The following FHAD1 variants were observed in gnomAD, a reference collection of about 807,000 sequenced individuals.
The protein encoded by FHAD1 is forkhead-associated domain-containing protein 1.
A neutral mutation model predicts 191.3 loss-of-function variants in FHAD1; 146 were observed. The ratio of observed to expected loss-of-function variants is 0.76; its 90% CI spans 0.67 to 0.88. FHAD1 has a LOEUF of 0.88. FHAD1 is among the 40% of genes least tolerant of loss of function. The pLI is 0.00. For synonymous variants in FHAD1, 616 were observed against 672.3 expected, an observed-to-expected ratio of 0.92 and a Z score of 1.29; for missense variants, 1,635 against 1,785.8, an observed-to-expected ratio of 0.92 and a Z score of 1.52.
intron 6 of FHAD1, among the ~76,000 whole-genome samples, chr1:15,303,287 C>A (rs542772556): frequency 6.6e-6 from 1 of 152,318 alleles, no homozygotes; most frequent in South Asian, 2.1e-4. Context: ...GGAAATACTG[C>A]TGCAGACAGC....
chr1:15,262,728 T>C (rs1157948934), intron 2 of FHAD1, among the ~76,000 whole-genome samples: 1 of 152,238 alleles, frequency 6.6e-6, no homozygotes, highest in African/African-American at 2.4e-5. Flanking sequence ...CTTTCACCAT[T>C]TGGCTACTGT....
chr1:15,362,335 G>A (rs1426915156), intron 22 of FHAD1, among the ~76,000 whole-genome samples: 1 of 152,186 alleles, frequency 6.6e-6, no homozygotes, highest in Admixed American at 6.5e-5. Context: ...GGGACCAGGG[G>A]CTGAGACTGC....
chr1:15,355,988 G>C lies in FHAD1; in HGVS notation c.2563-2122G>C, dbSNP rs145649596. Among the ~76,000 whole-genome samples the C allele has an allele frequency of 1.3e-4, 19 of 144,442 alleles. No homozygotes were observed. In the East Asian group the frequency reaches 3.3e-3, roughly 25 times the overall value. The allele number at this position is 144,442 out of a possible 152,430, so 94.8% of individuals were successfully genotyped here. ...TCCAAAGAAAATAATAACTAACATA[G>C]AGTCCACTGAGCACAGTTGCCACTA... On this transcript the variant is annotated intron_variant, in intron 20 of 33. Transcript: ENST00000688493.
At chr1:15,338,727 C>T (rs1685291541) in intron 14 of FHAD1, among the ~76,000 whole-genome samples, 1 of 152,174 alleles carries the variant, frequency 6.6e-6, no homozygotes, top group African/African-American at 2.4e-5. Flanking sequence ...CTTACTCGCT[C>T]ACTCCAGGTG....
intron 10 of FHAD1, among the ~76,000 whole-genome samples, chr1:15,323,494 A>G (rs1265501405): frequency 6.6e-6 from 1 of 152,192 alleles, no homozygotes; most frequent in Non-Finnish European, 1.5e-5. Context: ...GCACCCTGCC[A>G]CTCAGAAGAA....
At chr1:15,351,390 C>A (rs996842955) in intron 19 of FHAD1, among the ~76,000 whole-genome samples, 1 of 152,094 alleles carries the variant, frequency 6.6e-6, no homozygotes, top group Non-Finnish European at 1.5e-5. Context: ...AAAAAGTCTC[C>A]TGCCTCCAAG....
intron 10 of FHAD1, among the ~76,000 whole-genome samples, chr1:15,324,062 C>T (rs1677335089): frequency 6.6e-6 from 1 of 152,208 alleles, no homozygotes; most frequent in Non-Finnish European, 1.5e-5. Context: ...TTACGAAGCG[C>T]TGTCACTATT....
chr1:15,292,083 C>A (rs985863988), intron 4 of FHAD1, among the ~76,000 whole-genome samples: 3 of 152,192 alleles, frequency 2.0e-5, no homozygotes, highest in African/African-American at 7.2e-5. Context: ...GTCCTAATCC[C>A]CAGTACCACA....
Position 15,276,316 on chromosome 1 carries a change from C to G in FHAD1, c.300+3787C>G, listed in dbSNP as rs955174862. On this transcript the variant is annotated intron_variant, in intron 3 of 33. Transcript: ENST00000688493. The surrounding 1 kb of genome is among the most constrained non-coding windows in gnomAD (Gnocchi z 4.7). Reference sequence around the variant, plus strand: ...GCACGCTAGCAGCCACCTGCCTCCACTGTGAGCCTTCCCATGGACAGAAAA... The same window carrying G: ...GCACGCTAGCAGCCACCTGCCTCCAGTGTGAGCCTTCCCATGGACAGAAAA... Among the ~76,000 whole-genome samples the G allele has an allele frequency of 1.3e-5, 2 of 152,250 alleles. No homozygotes were observed. Among genetic ancestry groups the G allele is most frequent in the Admixed American group, 1.3e-4 (2 of 15,288 alleles).
chr1:15,358,345 G>A (rs1022658488), intron 21 of FHAD1, 62 bp downstream of exon 21: 9 of 1,467,104 alleles, frequency 6.1e-6, no homozygotes, highest in South Asian at 1.3e-5. Context: ...ACAGTGCCAC[G>A]AGAATGTGTG....
intron 3 of FHAD1, among the ~76,000 whole-genome samples, chr1:15,280,873 G>A (rs1445407036): frequency 6.6e-6 from 1 of 152,194 alleles, no homozygotes; most frequent in Non-Finnish European, 1.5e-5. Context: ...TACAAAGATG[G>A]AAAGTAAGAT....
At chr1:15,380,851 T>C in intron 29 of FHAD1, 55 bp downstream of exon 29, 2 of 1,347,334 alleles carry the variant, frequency 1.5e-6, no homozygotes, top group Admixed American at 4.0e-5. Context: ...GCCCCTGCAG[T>C]CAGTGTTGAA....
At chr1:15,285,415 G>A (rs1662089577) in intron 3 of FHAD1, among the ~76,000 whole-genome samples, 1 of 152,024 alleles carries the variant, frequency 6.6e-6, no homozygotes, top group Admixed American at 6.6e-5. Flanking sequence ...TGCCTATAAT[G>A]CCAGCTACTT....
intron 23 of FHAD1, among the ~76,000 whole-genome samples, chr1:15,364,837 C>T (rs1037811446): frequency 6.6e-6 from 1 of 152,130 alleles, no homozygotes; most frequent in African/African-American, 2.4e-5. Context: ...AGTCAAATCC[C>T]CACCAAGGCG....
chr1:15,312,796 TC>T lies in FHAD1; in HGVS notation c.1040-258del, dbSNP rs556287973. Among the ~76,000 whole-genome samples, 346 of 152,302 alleles carry T rather than the reference TC, an allele frequency of 2.3e-3. 3 individuals are homozygous for T. The South Asian group carries it at 0.023, about 10-fold the overall frequency. On this transcript the variant is annotated intron_variant, in intron 7 of 33. Transcript: ENST00000688493. This position sits in a 1 kb window ranked among gnomAD's most constrained non-coding sequence, Gnocchi z 4.7. ...GTCCCTCTCTCTGCTGAGCCTTTGT[TC>T]CCAGGCAGGGCCGATGCCCACAGCA...
intron 18 of FHAD1, 177 bp downstream of exon 18, chr1:15,345,700 A>T (rs562925920): frequency 1.6e-6 from 1 of 612,314 alleles, no homozygotes; most frequent in Non-Finnish European, 2.9e-6. Context: ...GGAACCCTGG[A>T]GTTGTAGCCT....
intron 3 of FHAD1, among the ~76,000 whole-genome samples, chr1:15,283,616 G>A (rs1180799104): frequency 1.3e-5 from 2 of 151,960 alleles, no homozygotes; most frequent in Admixed American, 6.6e-5. Flanking sequence ...TTTACTCATC[G>A]GCTCTCATGA....
At position 15,345,186 on chromosome 1, in the gene FHAD1, A is replaced by G; in HGVS notation, c.2234A>G (p.Lys745Arg). ...QELESLLAQQ[K>R]KALAKSITQE... The stretch of plus-strand genomic sequence containing the variant: ...CTGGAGAGCCTCCTGGCCCAGCAGA[A>G]GAAGGTATGTGGCTCAGGGAGACAG... Residue 745 changes from lysine (K) to arginine (R), a missense_variant, in exon 17 of 34, where the codon AAG (lysine) becomes AGG (arginine). Transcript: ENST00000688493. 1 of 1,551,128 alleles carries G rather than the reference A, an allele frequency of 6.4e-7. No homozygotes were observed. The highest frequency in any genetic ancestry group is 8.7e-7 in the Non-Finnish European group (1 of 1,146,480).
In FHAD1 at chr1:15,344,263, C is replaced by T. The variant is rs572501741; in HGVS notation, c.2131-820C>T. Reference sequence around the variant, plus strand: ...TCTGACTCCCATCACCTGCCCTTTCCGAAAATACATGTGTCCAGGGTCATT... The same window carrying T: ...TCTGACTCCCATCACCTGCCCTTTCTGAAAATACATGTGTCCAGGGTCATT... On this transcript the variant is annotated intron_variant, in intron 16 of 33. Coordinates refer to ENST00000688493, the MANE Select transcript of FHAD1 (RefSeq NM_001391957.1). Among the ~76,000 whole-genome samples the T allele has an allele frequency of 1.2e-4, 19 of 152,276 alleles. No individual in the cohort carries two copies. The South Asian group carries it at 2.1e-3, about 17-fold the overall frequency.
Sources: allele counts gnomAD v4.1 joint callset (sites outside exome capture counted in the v4.1 genomes callset), GRCh38; gene constraint gnomAD v4.1.1; non-coding constraint Gnocchi (gnomAD v3.1); transcripts MANE v1.5; gene names NCBI Gene and HGNC (gene_info 2026-07-23, HGNC 2026-07-21).